The following GCM1 variants were observed in gnomAD, a reference collection of about 807,000 sequenced individuals.
GCM1 encodes GCM transcription factor 1, also known as chorion-specific transcription factor GCMa.
In GCM1, 2 loss-of-function variants were observed where a neutral mutation model predicts 25.7. The ratio of observed to expected loss-of-function variants is 0.08; its 90% confidence interval spans 0.03 to 0.24. The LOEUF is 0.24. Among genes scored for constraint, GCM1 ranks in the 10% least tolerant of loss-of-function variants. GCM1 has a pLI of 1.00. For synonymous variants in GCM1, 183 were observed against 195.7 expected (o/e 0.94, Z 0.54); for missense variants, 395 against 538.7 (o/e 0.73, Z 2.64).
chr6:53,140,487 G>T (rs1183582270), intron 2 of GCM1, among the ~76,000 whole-genome samples: 1 of 140,520 alleles, frequency 7.1e-6, no homozygotes, highest in Non-Finnish European at 1.5e-5. Flanking sequence ...TGGCCCCTTT[G>T]CAGTTGACTT....
At chr6:53,141,241 T>A (rs1043356276) in intron 2 of GCM1, among the ~76,000 whole-genome samples, 1 of 152,210 alleles carries the variant, frequency 6.6e-6, no homozygotes, top group African/African-American at 2.4e-5. Flanking sequence ...GTCTCCTGCA[T>A]TTAAGTTTCT....
intron 2 of GCM1, among the ~76,000 whole-genome samples, chr6:53,143,532 C>T (rs540310127): frequency 2.8e-4 from 42 of 152,248 alleles, no homozygotes; most frequent in African/African-American, 8.9e-4. Flanking sequence ...CTCTTGATTT[C>T]GTGTCTCTCC....
chr6:53,146,194 T>TTATATA (rs201484737), intron 1 of GCM1, among the ~76,000 whole-genome samples: 30 of 100,934 alleles, frequency 3.0e-4, no homozygotes, highest in African/African-American at 9.0e-4. Context: ...CATATATGTT[T>TTATATA]TATATATATA....
chr6:53,145,327 T>C (rs1049456422), intron 2 of GCM1, among the ~76,000 whole-genome samples: 2 of 152,156 alleles, frequency 1.3e-5, no homozygotes, highest in African/African-American at 4.8e-5. Context: ...GAAGTAGAAA[T>C]TTCTTTGCAT....
intron 2 of GCM1, among the ~76,000 whole-genome samples, chr6:53,139,469 T>G (rs1763843142): frequency 1.6e-5 from 2 of 121,646 alleles, no homozygotes; most frequent in African/African-American, 6.6e-5. Context: ...AAGACCAGCC[T>G]AGGCAAGATA....
rs938856249 is a variant in GCM1 at position 53,133,933 on chromosome 6, A to G, written c.328+139T>C. 3.7e-6 allele frequency: 3 copies of G among 815,682 alleles called. No individual in the cohort carries two copies. The African/African-American group carries it at 5.1e-5, about 14-fold the overall frequency. The allele number at this position is 815,682 out of a possible 1,614,324, so 50.5% of individuals were successfully genotyped here. A position where few individuals can be genotyped will look rare whatever the true frequency, so the allele number is the denominator to read the frequency against. On this transcript the variant is annotated intron_variant, in intron 3 of 5. Transcript: ENST00000259803. ...TGGTTGGTTCCGCTCCATATGCTCC[A>G]TGTCAGAACAGCCTTGGCTGCCACT...
chr6:53,147,297 G>T (rs892840352), intron 1 of GCM1, among the ~76,000 whole-genome samples: 1 of 152,022 alleles, frequency 6.6e-6, no homozygotes, highest in Admixed American at 6.6e-5. Context: ...TCATTTATTG[G>T]TACTCTTATA....
intron 1 of GCM1, among the ~76,000 whole-genome samples, chr6:53,146,379 A>C (rs1763958680): frequency 6.6e-6 from 1 of 151,636 alleles, no homozygotes; most frequent in African/African-American, 2.4e-5. Flanking sequence ...GCCACCACGC[A>C]CAGCTGATTT....
rs1763650512 is a variant in GCM1 at position 53,127,068 on chromosome 6, A to G, written c.*1138T>C. 1 of 152,246 alleles carries G rather than the reference A, an allele frequency of 6.6e-6. No homozygotes were observed. The highest frequency in any genetic ancestry group is 6.5e-5 in the Admixed American group (1 of 15,280). The allele number at this position is 152,246 out of a possible 1,614,324, so 9.4% of individuals were successfully genotyped here. A position where few individuals can be genotyped will look rare whatever the true frequency, so the allele number is the denominator to read the frequency against. On this transcript the variant is annotated 3_prime_UTR_variant, in exon 6 of 6. Transcript: ENST00000259803. ...AAAGAAGAGAAACTGGCATTCAAAC[A>G]TGGCCGGCCAATCATTGCCAGGCTA...
chr6:53,136,096 G>T (rs966217261), intron 2 of GCM1, among the ~76,000 whole-genome samples: 2 of 152,248 alleles, frequency 1.3e-5, no homozygotes, highest in African/African-American at 4.8e-5. Flanking sequence ...ATAAATGAGA[G>T]GTTTTAGGTA....
intron 2 of GCM1, among the ~76,000 whole-genome samples, chr6:53,145,063 GAAGA>G (rs1265514441): frequency 6.6e-6 from 1 of 152,060 alleles, no homozygotes; most frequent in Non-Finnish European, 1.5e-5. Flanking sequence ...GAAGGAAAGG[GAAGA>G]AAGAAGAGGA....
chr6:53,146,218 T>A (rs2427838), intron 1 of GCM1, among the ~76,000 whole-genome samples: 4,953 of 37,624 alleles, frequency 0.13, 49 homozygotes, highest in African/African-American at 0.19. Flanking sequence ...ATATATATAT[T>A]TTTTTTTTTT....
chr6:53,136,978 A>G (rs1250672899), intron 2 of GCM1, among the ~76,000 whole-genome samples: 1 of 147,894 alleles, frequency 6.8e-6, no homozygotes, highest in Non-Finnish European at 1.5e-5. Context: ...CTCTGTTTCA[A>G]TAAAAAAAAA....
Position 53,145,738 on chromosome 6 carries a change from G to A in GCM1, c.-106C>T. ...GATATAGCTGGATCGGCCCACTCAA[G>A]CACCTTGGACCAGGAGATTGTTTTC... On this transcript the variant is annotated 5_prime_UTR_variant, in exon 2 of 6. Transcript: ENST00000259803. 1 of 699,594 alleles carries A rather than the reference G, an allele frequency of 1.4e-6. No individual in the cohort carries two copies. The highest frequency in any genetic ancestry group is 1.7e-5 in the South Asian group (1 of 59,196). 43.3% of individuals were successfully genotyped at this position (699,594 alleles called of 1,614,324 possible). A position where few individuals can be genotyped will look rare whatever the true frequency, so the allele number is the denominator to read the frequency against.
In GCM1 at chr6:53,145,668, G is replaced by A. The variant is rs1382045955; in HGVS notation, c.-36C>T. 4 of 1,174,970 alleles carry A rather than the reference G, an allele frequency of 3.4e-6. No individual in the cohort carries two copies. Among genetic ancestry groups the A allele is most frequent in the East Asian group, 2.3e-5 (1 of 42,762 alleles). The allele number at this position is 1,174,970 out of a possible 1,614,324, so 72.8% of individuals were successfully genotyped here. A position where few individuals can be genotyped will look rare whatever the true frequency, so the allele number is the denominator to read the frequency against. ...GGCCAGCCAAGGTTTTCACCTATTC[G>A]ACTCCCCTCAGAAATGCTTGAGAAT... On this transcript the variant is annotated 5_prime_UTR_variant, in exon 2 of 6. Coordinates refer to ENST00000259803, the MANE Select transcript of GCM1 (RefSeq NM_003643.4).
chr6:53,145,941 A>G (rs1181199092), intron 1 of GCM1, among the ~76,000 whole-genome samples, 173 bp from the exon 2 acceptor site: 1 of 152,082 alleles, frequency 6.6e-6, no homozygotes, highest in Non-Finnish European at 1.5e-5. Context: ...GCCATCGGGA[A>G]TTAGAAGCGT....
chr6:53,132,923 T>C (rs914341228), intron 3 of GCM1, among the ~76,000 whole-genome samples: 1 of 152,198 alleles, frequency 6.6e-6, no homozygotes, highest in Non-Finnish European at 1.5e-5. Flanking sequence ...CAGGGCATGC[T>C]GAATGTATCT....
intron 2 of GCM1, 51 bp downstream of exon 2, chr6:53,145,506 TC>T: frequency 1.1e-6 from 1 of 935,322 alleles, no homozygotes; most frequent in South Asian, 1.3e-5. Flanking sequence ...ATGTTAATAG[TC>T]AAGACTTCAC....
intron 5 of GCM1, among the ~76,000 whole-genome samples, chr6:53,129,305 C>T (rs1304105395): frequency 1.5e-4 from 21 of 144,072 alleles, no homozygotes; most frequent in Middle Eastern, 4.0e-3. Context: ...GAGTCTCGCT[C>T]TGTTGCCCAG....
Sources: gnomAD v4.1 joint callset for allele counts (sites outside exome capture counted in the v4.1 genomes callset) on GRCh38, gnomAD v4.1.1 for gene constraint, MANE v1.5 for transcripts, NCBI Gene and HGNC (gene_info 2026-07-23, HGNC 2026-07-21) for gene names.